Variants in ATE1 observed in about 807,000 individuals in gnomAD.
ATE1 encodes the protein arginyltransferase 1.
A neutral mutation model predicts 70.5 loss-of-function variants in ATE1; 36 were observed. The ratio of observed to expected loss-of-function variants is 0.51; its 90% CI spans 0.39 to 0.67. The LOEUF is 0.67. Ranked by LOEUF, ATE1 falls within the 30% of genes least tolerant of loss-of-function variation. The pLI is 0.00. For missense variants in ATE1, 593 were observed against 629.5 expected, an observed-to-expected ratio of 0.94 and a Z score of 0.62; for synonymous variants, 232 against 219.3, an observed-to-expected ratio of 1.06 and a Z score of -0.51.
intron 10 of ATE1, among the ~76,000 whole-genome samples, chr10:121,823,338 C>T (rs924909281): frequency 6.6e-6 from 1 of 151,888 alleles, no homozygotes; most frequent in African/African-American, 2.4e-5. Context: ...GAGAAGAGGT[C>T]ATGGAAGTGA....
At chr10:121,744,760 A>G (rs1006737819) in intron 11 of ATE1, among the ~76,000 whole-genome samples, 1 of 152,164 alleles carries the variant, frequency 6.6e-6, no homozygotes, top group South Asian at 2.1e-4. Context: ...TTCAGGGTAC[A>G]CAGGTCACCC....
At chr10:121,753,803 C>G (rs931313094) in intron 11 of ATE1, among the ~76,000 whole-genome samples, 1 of 152,116 alleles carries the variant, frequency 6.6e-6, no homozygotes, top group Admixed American at 6.5e-5. Flanking sequence ...ATGAAAGAAA[C>G]GTAAATTAAA....
intron 11 of ATE1, among the ~76,000 whole-genome samples, chr10:121,767,530 C>T (rs4366424): frequency 0.83 from 126,219 of 152,166 alleles, 52,714 homozygotes; most frequent in Non-Finnish European, 0.89. Context: ...TTCAGTGAAG[C>T]AAAAGTATAC....
chr10:121,781,674 A>G (rs10788208), intron 11 of ATE1, among the ~76,000 whole-genome samples: 143,803 of 152,332 alleles, frequency 0.94, 68,111 homozygotes, highest in Non-Finnish European at 0.98. Context: ...AACTAAGCTA[A>G]GACAGTCTCC....
At chr10:121,926,272 T>C (rs1320252100) in intron 1 of ATE1, among the ~76,000 whole-genome samples, 1 of 152,164 alleles carries the variant, frequency 6.6e-6, no homozygotes, top group Non-Finnish European at 1.5e-5. Context: ...ATCAGAGATA[T>C]GACAGGCTTG....
In ATE1 at chr10:121,825,465, C is replaced by T. The variant is rs377345604; in HGVS notation, c.1257+11253G>A. Reference sequence around the variant, plus strand: ...GACCCTGTGCTCAAGGAAGCAGTTTCTCCCATTACCAACCATGCTTGCCTT... The same window carrying T: ...GACCCTGTGCTCAAGGAAGCAGTTTTTCCCATTACCAACCATGCTTGCCTT... On this transcript the variant is annotated intron_variant, in intron 10 of 11. Transcript: ENST00000224652. Among the ~76,000 whole-genome samples the T allele has an allele frequency of 6.6e-5, 10 of 152,324 alleles. No individual in the cohort carries two copies. In the East Asian group the frequency reaches 1.9e-3, roughly 29 times the overall value.
intron 7 of ATE1, among the ~76,000 whole-genome samples, chr10:121,871,700 T>C (rs1427257114): frequency 6.6e-6 from 1 of 151,356 alleles, no homozygotes; most frequent in Non-Finnish European, 1.5e-5. Flanking sequence ...GTTGACAATA[T>C]ATTAAAATGT....
intron 10 of ATE1, among the ~76,000 whole-genome samples, chr10:121,803,637 T>TA (rs919957325): frequency 2.6e-5 from 4 of 152,196 alleles, no homozygotes; most frequent in African/African-American, 9.6e-5. Context: ...CAAACAATGC[T>TA]AAAAAACAGT....
At chr10:121,915,896 A>AC (rs1951632808) in intron 3 of ATE1, among the ~76,000 whole-genome samples, 1 of 148,458 alleles carries the variant, frequency 6.7e-6, no homozygotes, top group South Asian at 2.1e-4. Flanking sequence ...ATCTCAAAAA[A>AC]AAAACAAAAC....
intron 8 of ATE1, among the ~76,000 whole-genome samples, chr10:121,853,336 T>TG (rs1253181334): frequency 3.5e-5 from 4 of 115,678 alleles, no homozygotes; most frequent in Non-Finnish European, 3.4e-5. Flanking sequence ...TGATCCAGCC[T>TG]GGGGAACAAA....
At chr10:121,774,755 T>C (rs1360131615) in intron 11 of ATE1, among the ~76,000 whole-genome samples, 1 of 152,222 alleles carries the variant, frequency 6.6e-6, no homozygotes, top group African/African-American at 2.4e-5. Flanking sequence ...GATTCCTGTA[T>C]TTAAACTTCT....
chr10:121,872,837 T>C (rs1949910038), intron 7 of ATE1, among the ~76,000 whole-genome samples: 1 of 152,072 alleles, frequency 6.6e-6, no homozygotes, highest in Non-Finnish European at 1.5e-5. Context: ...TTGTCTGATA[T>C]GACTATATTA....
At chr10:121,872,528 C>T (rs1949898080) in intron 7 of ATE1, among the ~76,000 whole-genome samples, 1 of 152,048 alleles carries the variant, frequency 6.6e-6, no homozygotes, top group Admixed American at 6.5e-5. Context: ...TTATGTTTCA[C>T]TTCAGTTAAT....
intron 7 of ATE1, among the ~76,000 whole-genome samples, chr10:121,894,416 T>C (rs1357171957): frequency 1.3e-5 from 2 of 152,172 alleles, no homozygotes; most frequent in African/African-American, 2.4e-5. Context: ...AGATGTGTCA[T>C]GCAAACAAGA....
intron 10 of ATE1, among the ~76,000 whole-genome samples, chr10:121,820,105 G>A (rs996645627): frequency 2.0e-5 from 3 of 151,542 alleles, no homozygotes; most frequent in Non-Finnish European, 2.9e-5. Context: ...TCATCCCACT[G>A]TACTCCAGCC....
intron 11 of ATE1, among the ~76,000 whole-genome samples, chr10:121,762,437 A>T (rs972532776): frequency 1.3e-5 from 2 of 152,204 alleles, no homozygotes; most frequent in Admixed American, 1.3e-4. Context: ...TCTCAAACAA[A>T]GTTGTTACAC....
At chr10:121,894,517 A>G (rs1320467960) in intron 7 of ATE1, among the ~76,000 whole-genome samples, 1 of 152,322 alleles carries the variant, frequency 6.6e-6, no homozygotes, top group Non-Finnish European at 1.5e-5. Flanking sequence ...ACAAAATGAA[A>G]GAGTCTAATC....
chr10:121,794,609 C>CA (rs1946580426), intron 10 of ATE1, among the ~76,000 whole-genome samples: 2 of 17,846 alleles, frequency 1.1e-4, no homozygotes, highest in East Asian at 1.0e-3. Context: ...GACCCTGTCT[C>CA]CAAAAAAAAA....
intron 7 of ATE1, among the ~76,000 whole-genome samples, chr10:121,894,344 G>A (rs1186193746): frequency 6.6e-6 from 1 of 152,100 alleles, no homozygotes; most frequent in Admixed American, 6.6e-5. Flanking sequence ...ATTACATGGT[G>A]TCTAAAAGAG....
Sources: allele counts gnomAD v4.1 joint callset (sites outside exome capture counted in the v4.1 genomes callset), GRCh38; gene constraint gnomAD v4.1.1; transcripts MANE v1.5; gene names NCBI Gene and HGNC (gene_info 2026-07-23, HGNC 2026-07-21).